Variants in PCDHGA1 observed in about 807,000 individuals in gnomAD.
PCDHGA1 encodes protocadherin gamma subfamily A, 1.
In PCDHGA1, 32 loss-of-function variants were observed where a neutral mutation model predicts 58.0. That is an observed-to-expected ratio of 0.55 (90% CI 0.42 to 0.74). PCDHGA1 has a LOEUF of 0.74. Ranked by LOEUF, PCDHGA1 falls within the 30% of genes least tolerant of loss-of-function variation. The pLI is 0.00. For missense variants in PCDHGA1, 1,205 were observed against 1,182.3 expected (o/e 1.02, Z -0.28); for synonymous variants, 498 against 501.1 (o/e 0.99, Z 0.08).
chr5:141,430,399 T>C (rs2097282187), intron 1 of PCDHGA1, among the ~76,000 whole-genome samples: 1 of 150,106 alleles, frequency 6.7e-6, no homozygotes, highest in African/African-American at 2.4e-5. Flanking sequence ...AAAAAAAAGC[T>C]CACTAAAGTT....
chr5:141,503,213 A>G (rs1368413073), intron 2 of PCDHGA1, among the ~76,000 whole-genome samples: 1 of 152,100 alleles, frequency 6.6e-6, no homozygotes, highest in Non-Finnish European at 1.5e-5. Flanking sequence ...AGTGCCCACC[A>G]TGAGCACCGT....
intron 1 of PCDHGA1, chr5:141,415,929 T>C: frequency 1.6e-6 from 1 of 629,678 alleles, no homozygotes; most frequent in African/African-American, 1.9e-5. Context: ...TGTCAATTTA[T>C]ATTTCCTCCT....
chr5:141,428,154 T>C, intron 1 of PCDHGA1: 2 of 1,578,924 alleles, frequency 1.3e-6, no homozygotes, highest in Non-Finnish European at 1.7e-6. Flanking sequence ...CACGGGAACC[T>C]GCTGGTTGCT....
intron 1 of PCDHGA1, chr5:141,365,839 C>T (rs1212060265): frequency 1.9e-6 from 3 of 1,613,840 alleles, no homozygotes; most frequent in Non-Finnish European, 2.5e-6. Context: ...CCTTGTCCTC[C>T]TATGTATCCA....
Position 141,340,245 on chromosome 5 carries a change from A to C in PCDHGA1, c.2421+7140A>C, listed in dbSNP as rs1756922664. 6.8e-6 allele frequency: 11 copies of C among 1,614,026 alleles called. No homozygotes were observed. The South Asian group carries it at 7.7e-5, about 11-fold the overall frequency. ...TTTTACAACATCACTCTAACCGCTAAAGATGGAGGGAACCCCTCCCTGTCC... is the reference window on the plus strand; with the variant it reads ...TTTTACAACATCACTCTAACCGCTACAGATGGAGGGAACCCCTCCCTGTCC... On this transcript the variant is annotated intron_variant, in intron 1 of 3. Transcript: ENST00000517417.
At chr5:141,371,796 G>A in intron 1 of PCDHGA1, 2 of 1,613,914 alleles carry the variant, frequency 1.2e-6, no homozygotes, top group Non-Finnish European at 1.7e-6. Context: ...CAATCCGCCT[G>A]GAGCCTCCAT....
Position 141,404,868 on chromosome 5 carries a change from A to G in PCDHGA1, c.2421+71763A>G, listed in dbSNP as rs375122600. On this transcript the variant is annotated intron_variant, in intron 1 of 3. Coordinates refer to ENST00000517417, the MANE Select transcript of PCDHGA1 (RefSeq NM_018912.3). Reference sequence around the variant, plus strand: ...GCCCTGCTAGATAGAGATGCGCTCAAACAGAGCCTTGTGGTGGCTGTACAG... The same window carrying G: ...GCCCTGCTAGATAGAGATGCGCTCAGACAGAGCCTTGTGGTGGCTGTACAG... 5.1e-5 allele frequency: 83 copies of G among 1,613,770 alleles called. 1 individual carries two copies. The highest frequency in any genetic ancestry group is 6.9e-5 in the Non-Finnish European group (81 of 1,179,896).
At chr5:141,346,368 C>A (rs1318566954) in intron 1 of PCDHGA1, 3 of 1,614,136 alleles carry the variant, frequency 1.9e-6, no homozygotes, top group Non-Finnish European at 2.5e-6. Flanking sequence ...TGCGGACACG[C>A]TCATCAGCCA....
intron 1 of PCDHGA1, among the ~76,000 whole-genome samples, chr5:141,455,410 G>A (rs1332059386): frequency 6.6e-6 from 1 of 152,130 alleles, no homozygotes; most frequent in Non-Finnish European, 1.5e-5. Context: ...CAGAGACAGA[G>A]GGAGCGGGGC....
At chr5:141,385,503 C>A in intron 1 of PCDHGA1, 1 of 1,379,554 alleles carries the variant, frequency 7.2e-7, no homozygotes, top group Non-Finnish European at 9.4e-7. Context: ...TATAGTATTT[C>A]TTTAGTGAAA....
intron 1 of PCDHGA1, among the ~76,000 whole-genome samples, chr5:141,453,225 C>T (rs2098758997): frequency 6.6e-6 from 1 of 152,044 alleles, no homozygotes; most frequent in African/African-American, 2.4e-5. Context: ...GCGATCCTCC[C>T]ACCTCAGCCT....
intron 1 of PCDHGA1, chr5:141,422,767 G>T: frequency 6.2e-7 from 1 of 1,613,786 alleles, no homozygotes; most frequent in Non-Finnish European, 8.5e-7. Context: ...CAACACTGGT[G>T]TTCTCTATGC....
rs761126985 is a variant in PCDHGA1 at position 141,431,245 on chromosome 5, C to G, written c.2422-63562C>G. ...TACCCCACGCCTGGGATCCGGATAT[C>G]GGGAAGAACTCTCTGCAGAGCTACG... is the stretch of plus-strand genomic sequence containing the variant. On this transcript the variant is annotated intron_variant, in intron 1 of 3. Transcript: ENST00000517417. This position sits in a 1 kb window ranked among gnomAD's most constrained non-coding sequence, Gnocchi z 4.8. 1.2e-6 allele frequency: 2 copies of G among 1,614,016 alleles called. No homozygotes were observed. Among genetic ancestry groups the G allele is most frequent in the Non-Finnish European group, 1.7e-6 (2 of 1,180,046 alleles).
At chr5:141,365,421 C>T in intron 1 of PCDHGA1, 1 of 1,614,014 alleles carries the variant, frequency 6.2e-7, no homozygotes, top group East Asian at 2.2e-5. Flanking sequence ...CTTCCCGGAA[C>T]TGTAATCGCG....
chr5:141,357,594 T>C (rs1473950050), intron 1 of PCDHGA1: 2 of 1,614,104 alleles, frequency 1.2e-6, no homozygotes, highest in Admixed American at 1.7e-5. Flanking sequence ...AGGATTTACT[T>C]GAAACAAAAG....
Position 141,403,122 on chromosome 5 carries a change from G to A in PCDHGA1, c.2421+70017G>A, listed in dbSNP as rs550510039. 4.3e-5 allele frequency: 69 copies of A among 1,613,932 alleles called. No individual in the cohort carries two copies. Among genetic ancestry groups the A allele is most frequent in the East Asian group, 8.9e-5 (4 of 44,898 alleles). ...TCCAAGGACCTGGCTCTGGAGCCCC[G>A]GGAGCTGGCGGAGCGCCGAGTCCGC... On this transcript the variant is annotated intron_variant, in intron 1 of 3. Transcript: ENST00000517417.
chr5:141,483,257 T>G, intron 1 of PCDHGA1, among the ~76,000 whole-genome samples: 1 of 137,924 alleles, frequency 7.3e-6, no homozygotes, highest in East Asian at 1.9e-4. Flanking sequence ...ATCATGAGGT[T>G]TTTTTGTTTT....
chr5:141,388,402 G>C, intron 1 of PCDHGA1: 1 of 1,613,972 alleles, frequency 6.2e-7, no homozygotes, highest in Non-Finnish European at 8.5e-7. Context: ...TACCAACTCA[G>C]TCCCAGTGAT....
At chr5:141,402,639 A>C (rs886333954) in intron 1 of PCDHGA1, among the ~76,000 whole-genome samples, 2 of 152,250 alleles carry the variant, frequency 1.3e-5, no homozygotes. Flanking sequence ...ATCTAAAATC[A>C]TAATTAGAAG....
Sources: gnomAD v4.1 joint callset for allele counts (sites outside exome capture counted in the v4.1 genomes callset) on GRCh38, gnomAD v4.1.1 for gene constraint, Gnocchi (gnomAD v3.1) non-coding constraint, MANE v1.5 for transcripts, NCBI Gene and HGNC (gene_info 2026-07-23, HGNC 2026-07-21) for gene names.